Variants in TMEM132D observed in about 807,000 individuals in gnomAD.
TMEM132D encodes the protein transmembrane protein 132D, also known as mature OL transmembrane protein.
In TMEM132D, 21 loss-of-function variants were observed where a neutral mutation model predicts 62.3. The ratio of observed to expected loss-of-function variants is 0.34; its 90% CI spans 0.24 to 0.49. The LOEUF (loss-of-function observed/expected upper bound fraction) is 0.49. TMEM132D is among the 20% of genes least tolerant of loss of function. The pLI, the probability that TMEM132D is intolerant of heterozygous loss-of-function variation, is 0.99. For missense variants in TMEM132D, 1,346 were observed against 1,402.8 expected (o/e 0.96, Z 0.65); for synonymous variants, 621 against 575.6 (o/e 1.08, Z -1.13).
intron 1 of TMEM132D, among the ~76,000 whole-genome samples, chr12:129,820,454 T>G (rs1872514288): frequency 6.6e-6 from 1 of 152,148 alleles, no homozygotes; most frequent in Admixed American, 6.5e-5. Flanking sequence ...AGCGTGCGCA[T>G]CCCCTCTGGA....
At chr12:129,632,035 C>G (rs1435216971) in intron 2 of TMEM132D, among the ~76,000 whole-genome samples, 2 of 152,184 alleles carry the variant, frequency 1.3e-5, no homozygotes, top group Non-Finnish European at 2.9e-5. Context: ...GCATTATTTA[C>G]AACAGGAGCA....
chr12:129,764,682 T>TACTTTAG (rs1377333824), intron 1 of TMEM132D, among the ~76,000 whole-genome samples: 5 of 152,214 alleles, frequency 3.3e-5, no homozygotes, highest in Admixed American at 2.0e-4. Context: ...AGGTTATACC[T>TACTTTAG]GTATTCCCAG....
intron 5 of TMEM132D, among the ~76,000 whole-genome samples, chr12:129,179,820 G>A (rs1386203559): frequency 3.9e-5 from 6 of 152,110 alleles, no homozygotes; most frequent in Non-Finnish European, 2.9e-5. Context: ...ATGAGGCTGG[G>A]AGTTCGAGAT....
At chr12:129,388,594 T>C (rs1329092418) in intron 3 of TMEM132D, among the ~76,000 whole-genome samples, 3 of 116,222 alleles carry the variant, frequency 2.6e-5, no homozygotes, top group Non-Finnish European at 5.9e-5. Flanking sequence ...CCGACACCAA[T>C]ACTAACACCA....
At chr12:129,181,631 C>T (rs1256442234) in intron 5 of TMEM132D, among the ~76,000 whole-genome samples, 2 of 152,194 alleles carry the variant, frequency 1.3e-5, no homozygotes, top group African/African-American at 4.8e-5. Context: ...TGAGGCCCCA[C>T]CCCAGCTCGA....
At chr12:129,732,752 T>C (rs181336197) in intron 1 of TMEM132D, among the ~76,000 whole-genome samples, 1 of 152,330 alleles carries the variant, frequency 6.6e-6, no homozygotes, top group East Asian at 1.9e-4. Context: ...TATTTCTTTA[T>C]AGCAATGTGA....
intron 2 of TMEM132D, among the ~76,000 whole-genome samples, chr12:129,663,376 G>T (rs1399974683): frequency 6.6e-6 from 1 of 152,198 alleles, no homozygotes; most frequent in Admixed American, 6.5e-5. Flanking sequence ...GACCTCAGGT[G>T]ATCCACCCAC....
intron 3 of TMEM132D, among the ~76,000 whole-genome samples, chr12:129,433,109 A>G (rs1405881831): frequency 6.6e-6 from 1 of 152,222 alleles, no homozygotes; most frequent in Non-Finnish European, 1.5e-5. Context: ...CTTACACTTC[A>G]TCTTTGCTGC....
intron 5 of TMEM132D, among the ~76,000 whole-genome samples, chr12:129,106,595 C>T (rs559553467): frequency 3.9e-5 from 6 of 152,182 alleles, no homozygotes; most frequent in Admixed American, 2.0e-4. Flanking sequence ...ACCTGAAAGA[C>T]GTTTGTGGGC....
Position 129,574,365 on chromosome 12 carries a change from T to C in TMEM132D, c.969-43160A>G, listed in dbSNP as rs544326391. Among the ~76,000 whole-genome samples, 89 of 152,014 alleles carry C rather than the reference T, an allele frequency of 5.9e-4. 1 individual carries two copies. The highest frequency in any genetic ancestry group is 2.0e-3 in the African/African-American group (81 of 41,298). On this transcript the variant is annotated intron_variant, in intron 2 of 8. Coordinates refer to ENST00000422113, the MANE Select transcript of TMEM132D (RefSeq NM_133448.3). ...TTGTAATAAACTATTGGGGGATATA[T>C]ACATGCTGGGTTTCCTCTATTCTGA...
chr12:129,845,362 G>A (rs140131923), intron 1 of TMEM132D, among the ~76,000 whole-genome samples: 30 of 152,250 alleles, frequency 2.0e-4, no homozygotes, highest in East Asian at 7.7e-4. Context: ...TCTTTGTGCC[G>A]CTGTTTTAGA....
chr12:129,834,139 C>T (rs1204460768), intron 1 of TMEM132D, among the ~76,000 whole-genome samples: 2 of 152,150 alleles, frequency 1.3e-5, no homozygotes, highest in Non-Finnish European at 2.9e-5. Flanking sequence ...TTTTTCCTTT[C>T]CCTTCCTTCT....
chr12:129,327,049 G>A lies in TMEM132D; in HGVS notation c.1299+10585C>T, dbSNP rs75878516. ...GTTGACAACCCAAACATCATAACCG[G>A]CAGTGCTGCTGTTGCCTAGCGAGAG... On this transcript the variant is annotated intron_variant, in intron 4 of 8. Transcript: ENST00000422113. 3.1e-3 allele frequency among the ~76,000 whole-genome samples: 472 copies of A among 152,202 alleles called. 3 individuals carry two copies. Among genetic ancestry groups the A allele is most frequent in the African/African-American group, 0.01 (433 of 41,518 alleles).
Position 129,078,614 on chromosome 12 carries a change from A to T in TMEM132D, c.2035T>A (p.Ser679Thr), listed in dbSNP as rs1251239380. Residue 679 changes from serine to threonine, a missense_variant, in exon 8 of 9, where the codon TCC becomes ACC. Physicochemically the swap from Ser to Thr is moderately conservative, Grantham distance 58. Coordinates refer to ENST00000422113, the MANE Select transcript of TMEM132D (RefSeq NM_133448.3). ...TTGCTTCCTGGGCTGAGCTGCAAGG[A>T]GAGTGACAGCCCTGTCACCAGCTGC... ...GVQLVTGLSLSLQLSPGSNRA... is the reference protein window; with the variant it reads ...GVQLVTGLSLTLQLSPGSNRA... The T allele has an allele frequency of 6.2e-7, 1 of 1,614,010 alleles. No homozygotes were observed. Among genetic ancestry groups the T allele is most frequent in the South Asian group, 1.1e-5 (1 of 91,084 alleles).
At chr12:129,885,029 T>C (rs757988281) in intron 1 of TMEM132D, among the ~76,000 whole-genome samples, 1 of 152,236 alleles carries the variant, frequency 6.6e-6, no homozygotes, top group Non-Finnish European at 1.5e-5. Flanking sequence ...CCCAAAAGGC[T>C]ACATAGTGTA....
intron 3 of TMEM132D, among the ~76,000 whole-genome samples, chr12:129,470,175 A>T (rs1874052696): frequency 6.6e-6 from 1 of 152,180 alleles, no homozygotes; most frequent in South Asian, 2.1e-4. Context: ...TGTGGTGTGG[A>T]CTATAAAAGC....
intron 5 of TMEM132D, among the ~76,000 whole-genome samples, chr12:129,148,783 G>A (rs999474949): frequency 6.6e-6 from 1 of 152,218 alleles, no homozygotes; most frequent in Non-Finnish European, 1.5e-5. Context: ...GGCTGGTAAG[G>A]TGACAGAGGC....
chr12:129,421,524 C>T (rs1872324248), intron 3 of TMEM132D, among the ~76,000 whole-genome samples: 1 of 152,098 alleles, frequency 6.6e-6, no homozygotes, highest in African/African-American at 2.4e-5. Context: ...TTTCAGTTTC[C>T]AGAACAACTA....
rs115529153 is a variant in TMEM132D at position 129,745,764 on chromosome 12, T to C, written c.80-45066A>G. On this transcript the variant is annotated intron_variant, in intron 1 of 8. Transcript: ENST00000422113. ...AGCACCAGGTACATTTAACATGATATTTGCTAAATACACAAAACAAAAAGC... is the reference window on the plus strand; with the variant it reads ...AGCACCAGGTACATTTAACATGATACTTGCTAAATACACAAAACAAAAAGC... 3.4e-3 allele frequency among the ~76,000 whole-genome samples: 519 copies of C among 152,306 alleles called. 5 individuals are homozygous for C. Among genetic ancestry groups the C allele is most frequent in the African/African-American group, 0.012 (503 of 41,568 alleles).
Sources: allele counts gnomAD v4.1 joint callset (sites outside exome capture counted in the v4.1 genomes callset), GRCh38; gene constraint gnomAD v4.1.1; transcripts MANE v1.5; gene names NCBI Gene and HGNC (gene_info 2026-07-23, HGNC 2026-07-21).